ZDHHC6: variants seen among roughly 807,000 people sequenced by gnomAD.
ZDHHC6 encodes zDHHC palmitoyltransferase 6, also known as palmitoyltransferase ZDHHC6.
ZDHHC6 carries 32 observed loss-of-function variants against 57.8 expected under a neutral mutation model. That is an observed-to-expected ratio of 0.55 (90% CI 0.42 to 0.74). The LOEUF (loss-of-function observed/expected upper bound fraction) is 0.74. Ranked by LOEUF, ZDHHC6 falls within the 30% of genes least tolerant of loss-of-function variation. The pLI is 0.00. For missense variants in ZDHHC6, 433 were observed against 500.7 expected (o/e 0.86, Z 1.29); for synonymous variants, 128 against 158.0 (o/e 0.81, Z 1.42).
chr10:112,431,736 G>GA (rs5787963), intron 10 of ZDHHC6, among the ~76,000 whole-genome samples: 276 of 143,772 alleles, frequency 1.9e-3, no homozygotes, highest in East Asian at 0.013. Context: ...TAAAACTTAA[G>GA]AAAAAAAAAA....
downstream of ZDHHC6, chr10:112,425,574 G>T: frequency 5.5e-5 from 47 of 852,418 alleles, no homozygotes; most frequent in Non-Finnish European, 6.7e-5. Flanking sequence ...TTCAGAATGA[G>T]AAGATCCAAG....
intron 2 of ZDHHC6, among the ~76,000 whole-genome samples, chr10:112,444,265 G>A (rs965343408): frequency 6.6e-6 from 1 of 152,024 alleles, no homozygotes; most frequent in Non-Finnish European, 1.5e-5. Context: ...TTCTGAATAC[G>A]TGGTCCCACC....
At chr10:112,437,789 A>T (rs1205944621) in intron 6 of ZDHHC6, among the ~76,000 whole-genome samples, 1 of 152,114 alleles carries the variant, frequency 6.6e-6, no homozygotes, top group Non-Finnish European at 1.5e-5. Context: ...ATCTGCCCAG[A>T]CCCTGCAGGT....
downstream of ZDHHC6, among the ~76,000 whole-genome samples, chr10:112,429,875 G>A (rs1356300226): frequency 1.3e-5 from 2 of 150,694 alleles, no homozygotes; most frequent in Non-Finnish European, 3.0e-5. Context: ...CAGAGCTCAC[G>A]TACACCTGGC....
chr10:112,439,501 G>A (rs1162008894), intron 5 of ZDHHC6, among the ~76,000 whole-genome samples: 4 of 151,524 alleles, frequency 2.6e-5, no homozygotes, highest in African/African-American at 9.7e-5. Flanking sequence ...TGTGGTGGCA[G>A]GTACCTGTAA....
At chr10:112,447,327 T>G, upstream of ZDHHC6, 1 of 1,590,518 alleles carries the variant, frequency 6.3e-7, no homozygotes, top group Admixed American at 1.7e-5. Context: ...CTCGAGGCCC[T>G]TTCCCTGACC....
chr10:112,437,291 C>T (rs903546378), intron 6 of ZDHHC6, among the ~76,000 whole-genome samples: 1 of 152,138 alleles, frequency 6.6e-6, no homozygotes, highest in South Asian at 2.1e-4. Flanking sequence ...GCAAAATCTA[C>T]ATAACACAGT....
upstream of ZDHHC6, chr10:112,447,399 A>G (rs766593019): frequency 6.2e-6 from 10 of 1,613,522 alleles, no homozygotes; most frequent in East Asian, 2.2e-5. Flanking sequence ...GAAGGTTACG[A>G]GCAGGACTTC....
chr10:112,438,060 C>T (rs1315995734), intron 6 of ZDHHC6, among the ~76,000 whole-genome samples: 1 of 152,218 alleles, frequency 6.6e-6, no homozygotes, highest in African/African-American at 2.4e-5. Context: ...AGACAACAAA[C>T]AGATGGTTTG....
chr10:112,433,310 T>C (rs751622547), intron 7 of ZDHHC6, 29 bp from the exon 8 acceptor site: 69 of 1,453,604 alleles, frequency 4.7e-5, no homozygotes, highest in Non-Finnish European at 6.5e-5. Context: ...AAGAAAAAAA[T>C]GAAGTCTCTT....
chr10:112,438,358 A>T lies in ZDHHC6; in HGVS notation c.713T>A (p.Ile238Asn). ...MKIILRNKTS[I>N]ESWIEEKAKD... ...TACCTTCTCTTCAATCCATGACTCA[A>T]TAGAAGTTTTGTTTCTGAGAATTAT... is the stretch of plus-strand genomic sequence containing the variant. The change falls in exon 6 of 11, where the codon ATT becomes AAT. Residue 238 changes from isoleucine (I) to asparagine (N), a missense_variant. Transcript: ENST00000369405. 7.3e-7 allele frequency: 1 copy of T among 1,375,850 alleles called. No individual in the cohort carries two copies. The highest frequency in any genetic ancestry group is 9.7e-7 in the Non-Finnish European group (1 of 1,033,372). 85.2% of individuals were successfully genotyped at this position (1,375,850 alleles called of 1,614,324 possible).
chr10:112,445,630 T>C lies in ZDHHC6; in HGVS notation c.-194A>G. On this transcript the variant is annotated 5_prime_UTR_variant, in exon 2 of 11. Transcript: ENST00000369405. Reference sequence around the variant, plus strand: ...CTTTATCTTAACTAGGAGAATCCAGTGTCTTGGTCTGAAACCCAACCTAAA... The same window carrying C: ...CTTTATCTTAACTAGGAGAATCCAGCGTCTTGGTCTGAAACCCAACCTAAA... 1.5e-6 allele frequency: 1 copy of C among 664,082 alleles called. No homozygotes were observed. Among genetic ancestry groups the C allele is most frequent in the Non-Finnish European group, 2.4e-6 (1 of 408,844 alleles). The allele number at this position is 664,082 out of a possible 1,614,324, so 41.1% of individuals were successfully genotyped here.
downstream of ZDHHC6, chr10:112,426,306 T>G: frequency 6.2e-7 from 1 of 1,614,142 alleles, no homozygotes; most frequent in Non-Finnish European, 8.5e-7. Context: ...ACTTCCCTCA[T>G]TTGCAGCCAA....
intron 5 of ZDHHC6, among the ~76,000 whole-genome samples, 179 bp downstream of exon 5, chr10:112,440,355 T>C (rs1845985284): frequency 6.6e-6 from 1 of 152,156 alleles, no homozygotes; most frequent in Non-Finnish European, 1.5e-5. Flanking sequence ...TACCTAGAAA[T>C]TCTGGCAAAA....
chr10:112,432,225 C>A lies in ZDHHC6; in HGVS notation c.1138+15G>T. ...AATAGTCTTGTCCTTTAAACATGCCCTTCCATTTCCATACCTTCTATAAAG... is the reference window on the plus strand; with the variant it reads ...AATAGTCTTGTCCTTTAAACATGCCATTCCATTTCCATACCTTCTATAAAG... On this transcript the variant is annotated intron_variant, in intron 10 of 10. Transcript: ENST00000369405. 1.3e-6 allele frequency: 2 copies of A among 1,592,578 alleles called. No individual in the cohort carries two copies. Among genetic ancestry groups the A allele is most frequent in the South Asian group, 2.3e-5 (2 of 86,680 alleles).
chr10:112,436,431 G>C (rs1159572179), intron 6 of ZDHHC6, among the ~76,000 whole-genome samples: 1 of 152,210 alleles, frequency 6.6e-6, no homozygotes, highest in East Asian at 1.9e-4. Context: ...AGCCAAGATT[G>C]TGCCACTGCA....
rs1285784260 is a variant in ZDHHC6 at position 112,439,667 on chromosome 10, A to C, written c.681+867T>G. On this transcript the variant is annotated intron_variant, in intron 5 of 10. Coordinates refer to ENST00000369405, the MANE Select transcript of ZDHHC6 (RefSeq NM_022494.3). Reference sequence around the variant, plus strand: ...AAAAAAAAAAAAAAAAAAAAAAAAAAAAGAATGAAAAAGAATGGTTTTTGG... The same window carrying C: ...AAAAAAAAAAAAAAAAAAAAAAAAACAAGAATGAAAAAGAATGGTTTTTGG... Among the ~76,000 whole-genome samples the C allele has an allele frequency of 4.6e-5, 6 of 130,780 alleles. No homozygotes were observed. The East Asian group carries it at 1.2e-3, about 26-fold the overall frequency. The allele number at this position is 130,780 out of a possible 152,430, so 85.8% of individuals were successfully genotyped here.
exon 12 of ZDHHC6, chr10:112,424,793 C>G (rs1052515395): frequency 6.6e-6 from 1 of 152,222 alleles, no homozygotes; most frequent in African/African-American, 2.4e-5. Context: ...TGCAAATGAC[C>G]TTTGGTGGCT....
chr10:112,426,489 G>A, downstream of ZDHHC6: 1 of 710,634 alleles, frequency 1.4e-6, no homozygotes, highest in Non-Finnish European at 2.4e-6. Flanking sequence ...ATGGGACTCG[G>A]GGATAGGATG....
Sources: gnomAD v4.1 joint callset for allele counts (sites outside exome capture counted in the v4.1 genomes callset) on GRCh38, gnomAD v4.1.1 for gene constraint, MANE v1.5 for transcripts, NCBI Gene and HGNC (gene_info 2026-07-23, HGNC 2026-07-21) for gene names.